The following RBM25 variants were observed in gnomAD, a reference collection of about 807,000 sequenced individuals.
The protein encoded by RBM25 is RNA binding motif protein 25, also known as RNA-binding protein 25.
In RBM25, 19 loss-of-function variants were observed where a neutral mutation model predicts 120.7. The ratio of observed to expected loss-of-function variants is 0.16; its 90% CI spans 0.11 to 0.23. RBM25 has a LOEUF of 0.23. Among genes scored for constraint, RBM25 ranks in the 10% least tolerant of loss-of-function variants. The probability of loss-of-function intolerance (pLI) is 1.00; values close to 1 mark genes in which losing one functional copy is unlikely to be tolerated. For synonymous variants in RBM25, 390 were observed against 326.7 expected, an observed-to-expected ratio of 1.19 and a Z score of -2.09; for missense variants, 605 against 1,041.5, an observed-to-expected ratio of 0.58 and a Z score of 5.77.
At position 73,114,282 on chromosome 14, in the gene RBM25, T is replaced by C. The variant is rs1896377287; in HGVS notation, c.2392-4T>C. ...TTAATGTGACAATTATTTTTCTCTT[T>C]TAGGTTATGGCTCATAGTTCACCCC... is the stretch of plus-strand genomic sequence containing the variant. On this transcript the variant is annotated splice_polypyrimidine_tract_variant and splice_region_variant and intron_variant, in intron 17 of 18. Transcript: ENST00000261973. 12 of 1,539,304 alleles carry C rather than the reference T, an allele frequency of 7.8e-6. No homozygotes were observed. The highest frequency in any genetic ancestry group is 2.8e-5 in the African/African-American group (2 of 71,730).
intron 6 of RBM25, among the ~76,000 whole-genome samples, chr14:73,091,680 T>A (rs1252685937): frequency 6.6e-6 from 1 of 151,836 alleles, no homozygotes; most frequent in Non-Finnish European, 1.5e-5. Flanking sequence ...GAAACCAGCC[T>A]GGCCAACATG....
At position 73,119,906 on chromosome 14, in the gene RBM25, T is replaced by A. The variant is rs1029774476; in HGVS notation, c.*101T>A. 30 of 732,650 alleles carry A rather than the reference T, an allele frequency of 4.1e-5. No individual in the cohort carries two copies. The highest frequency in any genetic ancestry group is 6.3e-5 in the South Asian group (2 of 31,984). The allele number at this position is 732,650 out of a possible 1,614,324, so 45.4% of individuals were successfully genotyped here. ...TTTGAAGACATTGTGAGATCTGTAA[T>A]TTTTTTTTTTTGTAGAAAATGTGAA... On this transcript the variant is annotated 3_prime_UTR_variant, in exon 19 of 19. Coordinates refer to ENST00000261973, the MANE Select transcript of RBM25 (RefSeq NM_021239.3).
At chr14:73,070,584 G>T (rs1895262081) in intron 1 of RBM25, among the ~76,000 whole-genome samples, 1 of 152,058 alleles carries the variant, frequency 6.6e-6, no homozygotes, top group Admixed American at 6.6e-5. Flanking sequence ...TTGTCTCTTA[G>T]GTAGTGGCCA....
intron 5 of RBM25, 77 bp from the exon 6 acceptor site, chr14:73,087,924 G>T (rs1383257941): frequency 2.2e-5 from 32 of 1,427,406 alleles, no homozygotes; most frequent in Non-Finnish European, 2.8e-5. Flanking sequence ...TTGGACTCTA[G>T]TGATTCTACT....
chr14:73,097,200 T>TA, intron 7 of RBM25, 100 bp downstream of exon 7: 1 of 641,610 alleles, frequency 1.6e-6, no homozygotes, highest in African/African-American at 2.6e-5. Flanking sequence ...TCTTTTCTTT[T>TA]TTTTTTTTTT....
Position 73,103,482 on chromosome 14 carries a change from AG to A in RBM25, c.1154+6del. 6.4e-7 allele frequency: 1 copy of A among 1,568,084 alleles called. No homozygotes were observed. The highest frequency in any genetic ancestry group is 2.0e-5 in the Admixed American group (1 of 50,914). ...ATAAGGATCGCAGTCGATCAAGGTA[AG>A]GCTTTACAGAAGTTACTGTTTCCTG... is the stretch of plus-strand genomic sequence containing the variant. On this transcript the variant is annotated splice_donor_5th_base_variant and intron_variant, in intron 10 of 18. Coordinates refer to ENST00000261973, the MANE Select transcript of RBM25 (RefSeq NM_021239.3).
intron 10 of RBM25, among the ~76,000 whole-genome samples, chr14:73,105,038 T>TAAACACAC (rs1555346296): frequency 6.4e-5 from 9 of 141,146 alleles, no homozygotes; most frequent in African/African-American, 2.5e-4. Flanking sequence ...ACATATTAAA[T>TAAACACAC]ACACACACAC....
intron 2 of RBM25, among the ~76,000 whole-genome samples, chr14:73,075,585 TTA>T (rs745790114): frequency 4.6e-5 from 7 of 152,230 alleles, no homozygotes; most frequent in Non-Finnish European, 8.8e-5. Context: ...TGACAAAATT[TTA>T]TATGTTTATC....
At chr14:73,087,638 A>G (rs952049938) in intron 5 of RBM25, among the ~76,000 whole-genome samples, 35 of 147,732 alleles carry the variant, frequency 2.4e-4, no homozygotes, top group Non-Finnish European at 3.1e-4. Context: ...CTCGTGATCC[A>G]CCCGCCTCGG....
At position 73,075,212 on chromosome 14, in the gene RBM25, A is replaced by T. The variant is rs150889849; in HGVS notation, c.107-1107A>T. Among the ~76,000 whole-genome samples the T allele has an allele frequency of 2.4e-3, 364 of 151,952 alleles. 8 individuals are homozygous for T. In the East Asian group the frequency reaches 0.058, roughly 24 times the overall value. On this transcript the variant is annotated intron_variant, in intron 2 of 18. Transcript: ENST00000261973. ...GTCTTGCACCTGTCCCCCAGGCTGG[A>T]GTGCAATGGTGTGATCTCGGCTCAC...
chr14:73,082,969 A>G (rs1242404115), intron 4 of RBM25, among the ~76,000 whole-genome samples: 1 of 151,992 alleles, frequency 6.6e-6, no homozygotes, highest in Non-Finnish European at 1.5e-5. Flanking sequence ...AGTCCCAGCT[A>G]CTTAGGAGGC....
In RBM25 at chr14:73,111,018, C is replaced by A; in HGVS notation, c.1880C>A (p.Ser627Tyr). The change falls in exon 15 of 19, where the codon TCC (serine) becomes TAC (tyrosine). Residue 627 changes from serine (S) to tyrosine (Y), a missense_variant. Physicochemically the swap from Ser to Tyr is moderately radical, Grantham distance 144. This residue lies in a region of RBM25 where 465 missense variants were observed against 741.6 expected (regional missense o/e 0.63). Transcript: ENST00000261973. ...CCCATCAGCTCTGCTCCATCTGTTT[C>A]CTCTGCCAGTGGCAATGCAACACCT... is the stretch of plus-strand genomic sequence containing the variant. ...LRPISSAPSVSSASGNATPNT... is the reference protein window; with the variant it reads ...LRPISSAPSVYSASGNATPNT... The A allele has an allele frequency of 6.2e-7, 1 of 1,614,190 alleles. No homozygotes were observed.
At chr14:73,068,822 C>G (rs1455939064) in intron 1 of RBM25, among the ~76,000 whole-genome samples, 1 of 151,942 alleles carries the variant, frequency 6.6e-6, no homozygotes, top group African/African-American at 2.4e-5. Context: ...GATCCACCCA[C>G]CTCGGCCTCC....
rs759254372 is a variant in RBM25 at position 73,071,766 on chromosome 14, T to C, written c.106+19T>C. On this transcript the variant is annotated intron_variant, in intron 2 of 18. Coordinates refer to ENST00000261973, the MANE Select transcript of RBM25 (RefSeq NM_021239.3). Reference sequence around the variant, plus strand: ...CCTCCAGGTAAGTTTGTTGATACTGTTTTTTGTCGTTAAACTTGTACTTTT... The same window carrying C: ...CCTCCAGGTAAGTTTGTTGATACTGCTTTTTGTCGTTAAACTTGTACTTTT... 1 of 1,558,352 alleles carries C rather than the reference T, an allele frequency of 6.4e-7. No individual in the cohort carries two copies. Among genetic ancestry groups the C allele is most frequent in the Admixed American group, 1.7e-5 (1 of 59,488 alleles).
intron 1 of RBM25, among the ~76,000 whole-genome samples, chr14:73,064,503 T>TC (rs1356177337): frequency 1.3e-5 from 2 of 151,040 alleles, no homozygotes; most frequent in African/African-American, 4.8e-5. Context: ...TAAGCAATTC[T>TC]CCTGCCTCAG....
At chr14:73,080,823 CTTT>C (rs35197238) in intron 4 of RBM25, among the ~76,000 whole-genome samples, 1 of 139,932 alleles carries the variant, frequency 7.1e-6, no homozygotes, top group Non-Finnish European at 1.5e-5. Flanking sequence ...TTCTTTCTTT[CTTT>C]TTTTTTTTTT....
At chr14:73,094,838 TG>T (rs1895904081) in intron 6 of RBM25, among the ~76,000 whole-genome samples, 1 of 133,010 alleles carries the variant, frequency 7.5e-6, no homozygotes, top group African/African-American at 2.6e-5. Flanking sequence ...TGTGTGTGTG[TG>T]TGTCTGTGTG....
rs71112704 is a variant in RBM25, at chr14:73,117,210, C to CTTTTTTTTTTTTTTTTTTT, written c.2440-2487_2440-2469dup. ...TTTCTTTTAATTTCTTTCTTCTTTT[C>CTTTTTTTTTTTTTTTTTTT]TTTTTTTTTTTTTTTTTTTTTTTTT... On this transcript the variant is annotated intron_variant, in intron 18 of 18. Coordinates refer to ENST00000261973, the MANE Select transcript of RBM25 (RefSeq NM_021239.3). Among the ~76,000 whole-genome samples, 19 of 49,430 alleles carry CTTTTTTTTTTTTTTTTTTT rather than the reference C, an allele frequency of 3.8e-4. 1 individual carries two copies. Among genetic ancestry groups the CTTTTTTTTTTTTTTTTTTT allele is most frequent in the African/African-American group, 6.8e-4 (9 of 13,238 alleles). 32.4% of individuals were successfully genotyped at this position (49,430 alleles called of 152,430 possible).
At chr14:73,072,475 A>G (rs1895319227) in intron 2 of RBM25, among the ~76,000 whole-genome samples, 1 of 152,212 alleles carries the variant, frequency 6.6e-6, no homozygotes, top group Non-Finnish European at 1.5e-5. Flanking sequence ...TTATAAGTCA[A>G]TATAAGTAAA....
Sources: gnomAD v4.1 joint callset for allele counts (sites outside exome capture counted in the v4.1 genomes callset) on GRCh38, gnomAD v4.1.1 for gene constraint, gnomAD v4.1.1 regional missense constraint, MANE v1.5 for transcripts, NCBI Gene and HGNC (gene_info 2026-07-23, HGNC 2026-07-21) for gene names.